Variants in AKAP13 observed in about 807,000 individuals in gnomAD.
The protein encoded by AKAP13 is A-kinase anchoring protein 13.
A neutral mutation model predicts 264.5 loss-of-function variants in AKAP13; 80 were observed. The ratio of observed to expected loss-of-function variants is 0.30; its 90% CI spans 0.25 to 0.36. AKAP13 has a LOEUF of 0.36. Ranked by LOEUF, AKAP13 falls within the 10% of genes least tolerant of loss-of-function variation. The pLI, the probability that AKAP13 is intolerant of heterozygous loss-of-function variation, is 1.00. For missense variants in AKAP13, 3,712 were observed against 3,435.2 expected (o/e 1.08, Z -2.01); for synonymous variants, 1,380 against 1,250.2 (o/e 1.10, Z -2.19).
intron 14 of AKAP13, among the ~76,000 whole-genome samples, chr15:85,680,534 G>C (rs1235021625): frequency 6.6e-6 from 1 of 152,084 alleles, no homozygotes; most frequent in Non-Finnish European, 1.5e-5. Flanking sequence ...CTTAGAATTT[G>C]TTTTAAGGTT....
chr15:85,412,366 A>G (rs2072014006), intron 1 of AKAP13, among the ~76,000 whole-genome samples: 3 of 152,340 alleles, frequency 2.0e-5, no homozygotes, highest in East Asian at 1.9e-4. Context: ...GTACTTCCCC[A>G]AACAGTGTAA....
At chr15:85,398,930 A>G (rs533326351) in intron 1 of AKAP13, among the ~76,000 whole-genome samples, 62 of 152,204 alleles carry the variant, frequency 4.1e-4, no homozygotes, top group African/African-American at 1.5e-3. Context: ...TAGGTTGTGT[A>G]TCTTTTTTCC....
intron 29 of AKAP13, among the ~76,000 whole-genome samples, chr15:85,729,441 G>A (rs1315172799): frequency 6.6e-6 from 1 of 152,182 alleles, no homozygotes; most frequent in Non-Finnish European, 1.5e-5. Context: ...ACACTAAAGG[G>A]AGGAGGTAGT....
At position 85,579,747 on chromosome 15, in the gene AKAP13, C is replaced by A; in HGVS notation, c.1679C>A (p.Thr560Asn). Residue 560 changes from threonine to asparagine, a missense_variant, in exon 7 of 37, where the codon ACC becomes AAC. By Grantham distance (65) the Thr-to-Asn change is moderately conservative. This residue lies in a region of AKAP13 where 2,759 missense variants were observed against 2,411.7 expected (regional missense o/e 1.14). Coordinates refer to ENST00000394518, the MANE Select transcript of AKAP13 (RefSeq NM_007200.5). Reference sequence around the variant, plus strand: ...TCACTTGCATTTAGTAATGAAGAAACCTCCACTGAAAAAACAGCAGAAACG... The same window carrying A: ...TCACTTGCATTTAGTAATGAAGAAAACTCCACTGAAAAAACAGCAGAAACG... ...ESSLAFSNEE[T>N]STEKTAETET... The A allele has an allele frequency of 6.2e-7, 1 of 1,614,160 alleles. No individual in the cohort carries two copies.
chr15:85,449,042 G>A (rs1240577149), intron 1 of AKAP13, among the ~76,000 whole-genome samples: 1 of 151,844 alleles, frequency 6.6e-6, no homozygotes, highest in Non-Finnish European at 1.5e-5. Context: ...GAGCATGGAT[G>A]TTTTTCCATT....
chr15:85,725,768 A>G (rs989111213), intron 26 of AKAP13, among the ~76,000 whole-genome samples: 8 of 152,076 alleles, frequency 5.3e-5, no homozygotes, highest in African/African-American at 1.7e-4. Flanking sequence ...GTTACTACCT[A>G]CTCCTAGAGG....
At chr15:85,610,868 A>G (rs2080579832) in intron 8 of AKAP13, among the ~76,000 whole-genome samples, 1 of 152,276 alleles carries the variant, frequency 6.6e-6, no homozygotes, top group African/African-American at 2.4e-5. Context: ...AATCCCAGCT[A>G]CTTGGGAGGC....
chr15:85,405,092 G>A (rs1205361450), intron 1 of AKAP13, among the ~76,000 whole-genome samples: 2 of 152,034 alleles, frequency 1.3e-5, no homozygotes, highest in African/African-American at 4.8e-5. Flanking sequence ...GTTTCTTAAT[G>A]TGACTTCTAA....
At chr15:85,592,510 GT>G (rs781629765) in intron 8 of AKAP13, among the ~76,000 whole-genome samples, 3 of 152,140 alleles carry the variant, frequency 2.0e-5, no homozygotes, top group Non-Finnish European at 2.9e-5. Context: ...TATTCACATA[GT>G]TTTGTGGTGT....
At chr15:85,714,539 T>A (rs1380869649) in intron 19 of AKAP13, among the ~76,000 whole-genome samples, 1 of 152,232 alleles carries the variant, frequency 6.6e-6, no homozygotes, top group Non-Finnish European at 1.5e-5. Flanking sequence ...ATATGTAGAC[T>A]CTTGGGTTCC....
chr15:85,394,353 G>T (rs531822760), intron 1 of AKAP13, among the ~76,000 whole-genome samples: 1 of 152,166 alleles, frequency 6.6e-6, no homozygotes, highest in Non-Finnish European at 1.5e-5. Context: ...CAGAAGACAG[G>T]GTGGAATGGT....
At chr15:85,571,101 C>T (rs2078803603) in intron 5 of AKAP13, among the ~76,000 whole-genome samples, 1 of 151,812 alleles carries the variant, frequency 6.6e-6, no homozygotes, top group African/African-American at 2.4e-5. Flanking sequence ...AACTTTAATC[C>T]CAGTGGGGGA....
chr15:85,715,991 A>G (rs967205204), intron 20 of AKAP13, 68 bp downstream of exon 20: 1 of 1,483,700 alleles, frequency 6.7e-7, no homozygotes, highest in East Asian at 2.4e-5. Context: ...ATCACATCAT[A>G]TGACAAAAAG....
In AKAP13 at chr15:85,626,682, C is replaced by G. The variant is rs539641288; in HGVS notation, c.4162-12692C>G. On this transcript the variant is annotated intron_variant, in intron 8 of 36. Coordinates refer to ENST00000394518, the MANE Select transcript of AKAP13 (RefSeq NM_007200.5). ...GGCTGTTGCCCCCATTTGGCTGTTGCAAATAATGCTGTTATGAGCATTGGT... is the reference window on the plus strand; with the variant it reads ...GGCTGTTGCCCCCATTTGGCTGTTGGAAATAATGCTGTTATGAGCATTGGT... Among the ~76,000 whole-genome samples, 6 of 152,326 alleles carry G rather than the reference C, an allele frequency of 3.9e-5. No individual in the cohort carries two copies. In the East Asian group the frequency reaches 1.2e-3, roughly 29 times the overall value.
At chr15:85,629,508 A>G (rs1212059105) in intron 8 of AKAP13, among the ~76,000 whole-genome samples, 15 of 151,970 alleles carry the variant, frequency 9.9e-5, no homozygotes, top group Admixed American at 9.8e-4. Flanking sequence ...TGCACTTACT[A>G]CTCATTGGGG....
intron 10 of AKAP13, among the ~76,000 whole-genome samples, chr15:85,648,051 T>C (rs1567174044): frequency 6.6e-6 from 1 of 152,210 alleles, no homozygotes; most frequent in Non-Finnish European, 1.5e-5. Context: ...TATCAGAATT[T>C]AGGTAATTTC....
At chr15:85,387,234 G>A (rs1422983231) in intron 1 of AKAP13, among the ~76,000 whole-genome samples, 1 of 152,054 alleles carries the variant, frequency 6.6e-6, no homozygotes, top group African/African-American at 2.4e-5. Context: ...TACTTGGGAG[G>A]CTGAGACAGG....
At chr15:85,709,659 A>AATTTTATTTTATTTTATTTT (rs56793112) in intron 18 of AKAP13, among the ~76,000 whole-genome samples, 2,738 of 137,850 alleles carry the variant, frequency 0.02, 48 homozygotes, top group East Asian at 0.07. Flanking sequence ...TAAAAGGGGG[A>AATTTTATTTTATTTTATTTT]ATTTTATTTT....
intron 17 of AKAP13, among the ~76,000 whole-genome samples, chr15:85,707,800 C>CA (rs2086389593): frequency 7.2e-6 from 1 of 139,606 alleles, no homozygotes; most frequent in Non-Finnish European, 1.6e-5. Context: ...ACACAAACAC[C>CA]GAAAAAAAAA....
Sources: allele counts gnomAD v4.1 joint callset (sites outside exome capture counted in the v4.1 genomes callset), GRCh38; gene constraint gnomAD v4.1.1; regional missense constraint gnomAD v4.1.1; transcripts MANE v1.5; gene names NCBI Gene and HGNC (gene_info 2026-07-23, HGNC 2026-07-21).